CSMD3: variants seen among roughly 807,000 people sequenced by gnomAD.
CSMD3 encodes the protein CUB and Sushi multiple domains 3, also known as CUB and sushi domain-containing protein 3.
Under a neutral mutation model 435.2 loss-of-function variants are expected in CSMD3, and 177 were observed. That is an observed-to-expected ratio of 0.41 (90% confidence interval 0.36 to 0.46). The LOEUF (loss-of-function observed/expected upper bound fraction) is 0.46. Ranked by LOEUF, CSMD3 falls within the 20% of genes least tolerant of loss-of-function variation. The probability of loss-of-function intolerance (pLI) is 0.34; values close to 1 mark genes in which losing one functional copy is unlikely to be tolerated. For synonymous variants in CSMD3, 1,656 were observed against 1,520.5 expected (o/e 1.09, Z -2.07); for missense variants, 4,265 against 4,504.6 (o/e 0.95, Z 1.52).
intron 1 of CSMD3, among the ~76,000 whole-genome samples, chr8:113,321,764 A>G (rs1201678678): frequency 6.6e-6 from 1 of 152,202 alleles, no homozygotes; most frequent in African/African-American, 2.4e-5. Context: ...GGTTAGTATT[A>G]TAATTTTGGG....
intron 3 of CSMD3, among the ~76,000 whole-genome samples, chr8:113,273,200 T>A (rs1403956256): frequency 6.6e-6 from 1 of 151,938 alleles, no homozygotes; most frequent in African/African-American, 2.4e-5. Context: ...ATTATTGAGA[T>A]CCCACTCATG....
intron 32 of CSMD3, among the ~76,000 whole-genome samples, chr8:112,458,154 T>C (rs1039177627): frequency 2.6e-5 from 4 of 151,784 alleles, no homozygotes; most frequent in African/African-American, 9.7e-5. Flanking sequence ...AGTATTTTCA[T>C]TGAGCTGCAA....
At chr8:112,704,531 G>A (rs2076457796) in intron 13 of CSMD3, among the ~76,000 whole-genome samples, 1 of 151,970 alleles carries the variant, frequency 6.6e-6, no homozygotes, top group Admixed American at 6.6e-5. Context: ...CATAGGTATG[G>A]GACCTATGAA....
intron 31 of CSMD3, among the ~76,000 whole-genome samples, chr8:112,483,448 A>G (rs74452174): frequency 0.017 from 2,646 of 152,278 alleles, 79 homozygotes; most frequent in African/African-American, 0.06. Context: ...GCGCCACTGC[A>G]CTCCAACCTA....
rs1469690519 is a variant in CSMD3, at chr8:112,765,137, A to C, written c.1972+35025T>G. 2.6e-5 allele frequency among the ~76,000 whole-genome samples: 4 copies of C among 151,696 alleles called. No individual in the cohort carries two copies. The East Asian group carries it at 5.8e-4, about 22-fold the overall frequency. ...CACAACAGATGACGGGGAGTCACTA[A>C]AAGTAAAAAGGAGAAGGAACAGGTC... is the stretch of plus-strand genomic sequence containing the variant. On this transcript the variant is annotated intron_variant, in intron 13 of 70. Transcript: ENST00000297405.
At chr8:112,859,370 T>C (rs2080760242) in intron 10 of CSMD3, 104 bp from the exon 11 acceptor site, 1 of 936,136 alleles carries the variant, frequency 1.1e-6, no homozygotes, top group South Asian at 1.4e-5. Context: ...GACACAATTA[T>C]AACCACATTG....
At chr8:112,636,097 T>A (rs146766114) in intron 22 of CSMD3, among the ~76,000 whole-genome samples, 3 of 152,260 alleles carry the variant, frequency 2.0e-5, no homozygotes, top group African/African-American at 7.2e-5. Flanking sequence ...ATTTTCTAAT[T>A]TAAAGAGGGA....
chr8:113,288,362 G>T (rs1003098231), intron 2 of CSMD3, among the ~76,000 whole-genome samples: 1 of 151,776 alleles, frequency 6.6e-6, no homozygotes, highest in Admixed American at 6.6e-5. Context: ...CAGAAAATTT[G>T]TTTTTACCAT....
chr8:112,543,558 G>A (rs751914081), intron 27 of CSMD3, among the ~76,000 whole-genome samples: 1 of 151,858 alleles, frequency 6.6e-6, no homozygotes, highest in Non-Finnish European at 1.5e-5. Context: ...CTGTCAGGAG[G>A]GTTATTATTT....
intron 13 of CSMD3, among the ~76,000 whole-genome samples, chr8:112,717,721 AC>A (rs2076765309): frequency 6.6e-6 from 1 of 152,214 alleles, no homozygotes; most frequent in Non-Finnish European, 1.5e-5. Context: ...ACCATGGAAT[AC>A]TATGCAGCTA....
At chr8:113,348,683 A>C (rs1437867979) in intron 1 of CSMD3, among the ~76,000 whole-genome samples, 1 of 152,110 alleles carries the variant, frequency 6.6e-6, no homozygotes, top group African/African-American at 2.4e-5. Flanking sequence ...TGAATACAGA[A>C]GGTAAATGAA....
At chr8:113,036,826 T>C (rs1325153429) in intron 5 of CSMD3, among the ~76,000 whole-genome samples, 2 of 152,138 alleles carry the variant, frequency 1.3e-5, no homozygotes, top group Non-Finnish European at 2.9e-5. Flanking sequence ...TCCTGATTTA[T>C]GGAGGATGTT....
At chr8:112,857,689 T>G (rs1038950390) in intron 11 of CSMD3, among the ~76,000 whole-genome samples, 1 of 151,662 alleles carries the variant, frequency 6.6e-6, no homozygotes, top group Non-Finnish European at 1.5e-5. Context: ...ATAGGCTTGC[T>G]TAAATGCAGA....
intron 12 of CSMD3, among the ~76,000 whole-genome samples, chr8:112,825,448 T>C (rs112414113): frequency 1.3e-5 from 2 of 152,142 alleles, no homozygotes; most frequent in African/African-American, 4.8e-5. Context: ...CTTTCTCACA[T>C]TCATGACTTT....
chr8:112,486,018 G>A (rs926326310), intron 31 of CSMD3, among the ~76,000 whole-genome samples: 10 of 150,830 alleles, frequency 6.6e-5, no homozygotes, highest in Middle Eastern at 3.4e-3. Flanking sequence ...CAGAGCTAGC[G>A]CTGGCTAAGT....
In CSMD3 at chr8:113,102,136, G is replaced by T. The variant is rs1341498873; in HGVS notation, c.710-3173C>A. 2.0e-5 allele frequency among the ~76,000 whole-genome samples: 3 copies of T among 152,136 alleles called. No individual in the cohort carries two copies. The East Asian group carries it at 5.8e-4, about 29-fold the overall frequency. On this transcript the variant is annotated intron_variant, in intron 4 of 70. Transcript: ENST00000297405. ...TTGGTACATATCCTGTAAATGACAG[G>T]ATAGAGCCTTCTATTCTTTCATCAT... is the stretch of plus-strand genomic sequence containing the variant.
chr8:112,871,734 T>C (rs887673935), intron 10 of CSMD3, among the ~76,000 whole-genome samples: 1 of 152,096 alleles, frequency 6.6e-6, no homozygotes, highest in Non-Finnish European at 1.5e-5. Context: ...GTGTATACTT[T>C]CAATGATTAT....
At chr8:112,772,994 G>C (rs150577909) in intron 13 of CSMD3, among the ~76,000 whole-genome samples, 79 of 151,992 alleles carry the variant, frequency 5.2e-4, no homozygotes, top group African/African-American at 1.8e-3. Context: ...CTCAGAGGCC[G>C]GTCCCAGCAC....
intron 27 of CSMD3, among the ~76,000 whole-genome samples, chr8:112,526,819 G>T (rs1825020110): frequency 6.6e-6 from 1 of 151,730 alleles, no homozygotes; most frequent in Non-Finnish European, 1.5e-5. Flanking sequence ...ATGCCCCAAA[G>T]AACTGAAGAA....
Sources: allele counts gnomAD v4.1 joint callset (sites outside exome capture counted in the v4.1 genomes callset), GRCh38; gene constraint gnomAD v4.1.1; transcripts MANE v1.5; gene names NCBI Gene and HGNC (gene_info 2026-07-23, HGNC 2026-07-21).